The following BST1 variants were observed in gnomAD, a reference collection of about 807,000 sequenced individuals.
BST1 encodes the protein ADP-ribosyl cyclase/cyclic ADP-ribose hydrolase 2.
A neutral mutation model predicts 40.6 loss-of-function variants in BST1; 49 were observed. That is an observed-to-expected ratio of 1.21 (90% CI 0.96 to 1.53). The LOEUF (loss-of-function observed/expected upper bound fraction) is 1.53, where lower values mean the gene tolerates loss of function less well. Ranked by LOEUF, BST1 falls within the 40% of genes most tolerant of loss-of-function variation. BST1 has a pLI of 0.00. For synonymous variants in BST1, 157 were observed against 159.3 expected, an observed-to-expected ratio of 0.99 and a Z score of 0.11; for missense variants, 423 against 395.9, an observed-to-expected ratio of 1.07 and a Z score of -0.58.
At chr4:15,707,385 A>C (rs1032810314) in intron 2 of BST1, 126 bp from the exon 3 acceptor site, 9 of 1,043,238 alleles carry the variant, frequency 8.6e-6, no homozygotes, top group Middle Eastern at 2.0e-4. Context: ...AAGAACGTTC[A>C]GTTGTTGTGC....
At chr4:15,764,990 C>T in the BST1 span, among the ~76,000 whole-genome samples, 1 of 151,824 alleles carries the variant, frequency 6.6e-6, no homozygotes, top group Non-Finnish European at 1.5e-5. Flanking sequence ...GCTAGGTAAA[C>T]TTGGAAAAGT....
At chr4:15,743,596 C>T in the BST1 span, 9 of 321,118 alleles carry the variant, frequency 2.8e-5, no homozygotes, top group East Asian at 9.4e-5. Flanking sequence ...GGAGCCTCTG[C>T]GGGAAGCTCT....
chr4:15,743,578 C>T, the BST1 span: 4 of 350,358 alleles, frequency 1.1e-5, no homozygotes, highest in Non-Finnish European at 2.3e-5. Context: ...GCACAAAGGG[C>T]CCAGCTGGGA....
chr4:15,703,461 G>C, intron 1 of BST1, 129 bp downstream of exon 1: 17 of 1,389,918 alleles, frequency 1.2e-5, no homozygotes, highest in African/African-American at 3.0e-5. Context: ...GGAGAGGTGA[G>C]TGTGGAGACA....
Position 15,711,790 on chromosome 4 carries a change from GT to G in BST1, c.452-16del. 1.3e-6 allele frequency: 2 copies of G among 1,585,922 alleles called. No individual in the cohort carries two copies. The highest frequency in any genetic ancestry group is 2.7e-5 in the African/African-American group (2 of 74,406). ...ATAATCTTTGGAATAAAATGTGTTT[GT>G]CTACTTACCCCTTAGGACTCGATTA... On this transcript the variant is annotated splice_polypyrimidine_tract_variant and intron_variant, in intron 3 of 8. Transcript: ENST00000265016.
At chr4:15,761,170 G>T in the BST1 span, among the ~76,000 whole-genome samples, 1 of 151,798 alleles carries the variant, frequency 6.6e-6, no homozygotes, top group Non-Finnish European at 1.5e-5. Context: ...TCAGCCTCCC[G>T]AGTAGCTGGG....
At position 15,723,608 on chromosome 4, in the gene BST1, A is replaced by G. The variant is rs540265155; in HGVS notation, c.851+674A>G. Reference sequence around the variant, plus strand: ...GGCTGGCTTGGTTGTATGTTGTTATAGTAGTTGTTTTGCTATTATAAACAA... The same window carrying G: ...GGCTGGCTTGGTTGTATGTTGTTATGGTAGTTGTTTTGCTATTATAAACAA... On this transcript the variant is annotated intron_variant, in intron 8 of 8. Coordinates refer to ENST00000265016, the MANE Select transcript of BST1 (RefSeq NM_004334.3). 2.7e-4 allele frequency: 262 copies of G among 985,314 alleles called. 2 individuals carry two copies. The highest frequency in any genetic ancestry group is 2.3e-4 in the Non-Finnish European group (187 of 829,884). 61.0% of individuals were successfully genotyped at this position (985,314 alleles called of 1,614,324 possible). A position where few individuals can be genotyped will look rare whatever the true frequency, so the allele number is the denominator to read the frequency against.
chr4:15,766,787 T>TAAAAAAAAAAAAAAAAAAAAAAAACCAA, the BST1 span, among the ~76,000 whole-genome samples: 1 of 68,420 alleles, frequency 1.5e-5, no homozygotes, highest in Non-Finnish European at 2.6e-5. Context: ...AAGACCTCCC[T>TAAAAAAAAAAAAAAAAAAAAAAAACCAA]AAAAAAAAAA....
the BST1 span, among the ~76,000 whole-genome samples, chr4:15,748,165 C>CGT: frequency 6.6e-6 from 1 of 152,230 alleles, no homozygotes; most frequent in Non-Finnish European, 1.5e-5. Flanking sequence ...ATCAGTCCAA[C>CGT]ACCATTCTCA....
At chr4:15,751,940 C>T in the BST1 span, among the ~76,000 whole-genome samples, 2 of 152,038 alleles carry the variant, frequency 1.3e-5, no homozygotes, top group South Asian at 2.1e-4. Flanking sequence ...GCAGTGGGAA[C>T]GTGGCTCGTA....
At chr4:15,731,294 C>A in intron 8 of BST1, 1 of 509,990 alleles carries the variant, frequency 2.0e-6, no homozygotes. Context: ...GACTCTGAGG[C>A]CAAAAATGCA....
At chr4:15,715,837 G>C in intron 6 of BST1, 38 bp downstream of exon 6, 1 of 1,434,654 alleles carries the variant, frequency 7.0e-7, no homozygotes, top group South Asian at 1.3e-5. Context: ...AATTGCACAA[G>C]TTTGTTTTTC....
downstream of BST1, among the ~76,000 whole-genome samples, chr4:15,738,913 C>T (rs193139752): frequency 1.4e-4 from 21 of 152,334 alleles, no homozygotes; most frequent in African/African-American, 4.6e-4. Context: ...CCCAGGCAAG[C>T]GGACCTAGCT....
intron 4 of BST1, among the ~76,000 whole-genome samples, chr4:15,712,131 G>T (rs1208082816): frequency 6.6e-6 from 1 of 152,116 alleles, no homozygotes; most frequent in East Asian, 1.9e-4. Context: ...ATACATGAGG[G>T]TTTTAATTAG....
chr4:15,740,249 G>C (rs911967866), downstream of BST1, among the ~76,000 whole-genome samples: 1 of 152,132 alleles, frequency 6.6e-6, no homozygotes, highest in Non-Finnish European at 1.5e-5. Context: ...CTAGAGACGG[G>C]GTTTTGCCAT....
the BST1 span, among the ~76,000 whole-genome samples, chr4:15,748,769 T>G: frequency 6.6e-6 from 1 of 152,186 alleles, no homozygotes; most frequent in Non-Finnish European, 1.5e-5. Context: ...GTTGTTTTCT[T>G]CCCTTAGCAC....
At chr4:15,766,725 T>C in the BST1 span, among the ~76,000 whole-genome samples, 16 of 150,516 alleles carry the variant, frequency 1.1e-4, no homozygotes, top group South Asian at 3.4e-3. Context: ...TCTATTCTTC[T>C]TTTCGTGATG....
chr4:15,734,486 C>A (rs376462588), downstream of BST1, among the ~76,000 whole-genome samples: 5 of 151,684 alleles, frequency 3.3e-5, no homozygotes, highest in East Asian at 5.8e-4. Context: ...AATATATATA[C>A]GGGAAATCAT....
rs906696605 is a variant in BST1, at chr4:15,732,777, A to G, written c.*932A>G. On this transcript the variant is annotated 3_prime_UTR_variant, in exon 9 of 9. Coordinates refer to ENST00000265016, the MANE Select transcript of BST1 (RefSeq NM_004334.3). Reference sequence around the variant, plus strand: ...AAAATAAAAATAAAAAAGAGGTTTAATTGACTCACAGTTCTGTGTCCAGAA... The same window carrying G: ...AAAATAAAAATAAAAAAGAGGTTTAGTTGACTCACAGTTCTGTGTCCAGAA... 1 of 152,274 alleles carries G rather than the reference A, an allele frequency of 6.6e-6. No homozygotes were observed. Among genetic ancestry groups the G allele is most frequent in the Non-Finnish European group, 1.5e-5 (1 of 68,070 alleles). The allele number at this position is 152,274 out of a possible 1,614,324, so 9.4% of individuals were successfully genotyped here.
Sources: gnomAD v4.1 joint callset for allele counts (sites outside exome capture counted in the v4.1 genomes callset) on GRCh38, gnomAD v4.1.1 for gene constraint, MANE v1.5 for transcripts, NCBI Gene and HGNC (gene_info 2026-07-23, HGNC 2026-07-21) for gene names.